The following NRG3 variants were observed in gnomAD, a reference collection of about 807,000 sequenced individuals.
NRG3 encodes pro-neuregulin-3, membrane-bound isoform.
Under a neutral mutation model 66.9 loss-of-function variants are expected in NRG3, and 31 were observed. The ratio of observed to expected loss-of-function variants is 0.46; its 90% CI spans 0.35 to 0.63. The LOEUF is 0.63. NRG3 is among the 20% of genes least tolerant of loss of function. The pLI is 0.00. For synonymous variants in NRG3, 393 were observed against 359.4 expected, an observed-to-expected ratio of 1.09 and a Z score of -1.06; for missense variants, 910 against 878.9, an observed-to-expected ratio of 1.04 and a Z score of -0.45.
intron 2 of NRG3, among the ~76,000 whole-genome samples, chr10:82,560,519 T>A (rs1249979628): frequency 6.6e-6 from 1 of 151,120 alleles, no homozygotes; most frequent in Non-Finnish European, 1.5e-5. Flanking sequence ...CCTTAAGTGT[T>A]CCTTTATTAA....
chr10:82,224,933 G>A (rs1435740524), intron 1 of NRG3, among the ~76,000 whole-genome samples: 2 of 151,848 alleles, frequency 1.3e-5, no homozygotes, highest in African/African-American at 4.8e-5. Flanking sequence ...TATGAACATA[G>A]CTCACTTTAC....
intron 1 of NRG3, among the ~76,000 whole-genome samples, chr10:82,081,105 A>G (rs931817033): frequency 5.3e-5 from 8 of 152,310 alleles, no homozygotes; most frequent in African/African-American, 1.9e-4. Flanking sequence ...GACCTATAGC[A>G]TGAACATTTT....
chr10:82,539,454 A>T (rs887010169), intron 2 of NRG3, among the ~76,000 whole-genome samples: 2 of 152,184 alleles, frequency 1.3e-5, no homozygotes, highest in Admixed American at 6.5e-5. Flanking sequence ...TGATATTTAC[A>T]TACATCTTTC....
chr10:82,399,110 C>T (rs888725455), intron 2 of NRG3, among the ~76,000 whole-genome samples: 3 of 152,180 alleles, frequency 2.0e-5, no homozygotes, highest in Admixed American at 1.3e-4. Context: ...ATCTGGAATA[C>T]ATGCCTCCTT....
chr10:82,327,034 C>T (rs1255547100), intron 1 of NRG3, among the ~76,000 whole-genome samples: 4 of 152,122 alleles, frequency 2.6e-5, no homozygotes, highest in Non-Finnish European at 5.9e-5. Context: ...TCATTTTAGG[C>T]ATTGATACTT....
chr10:82,815,081 T>C (rs561759701), intron 3 of NRG3, among the ~76,000 whole-genome samples: 2 of 152,354 alleles, frequency 1.3e-5, no homozygotes, highest in Admixed American at 1.3e-4. Context: ...GCCGTCCTCC[T>C]GGTTTAAAGA....
chr10:82,653,670 G>C (rs889854518), intron 2 of NRG3, among the ~76,000 whole-genome samples: 1 of 151,872 alleles, frequency 6.6e-6, no homozygotes, highest in African/African-American at 2.4e-5. Flanking sequence ...AACAAAGGTG[G>C]TGGGGGTGGA....
chr10:82,746,912 C>G (rs2058668654), intron 3 of NRG3, among the ~76,000 whole-genome samples: 1 of 151,864 alleles, frequency 6.6e-6, no homozygotes, highest in Admixed American at 6.6e-5. Context: ...GACCTTGTTT[C>G]TAGACAAAAA....
intron 1 of NRG3, among the ~76,000 whole-genome samples, chr10:82,206,517 G>A (rs2075123420): frequency 6.6e-6 from 1 of 152,160 alleles, no homozygotes; most frequent in Non-Finnish European, 1.5e-5. Context: ...GAATAGTAGT[G>A]TTATCTCTTG....
chr10:82,508,311 T>G (rs542819027), intron 2 of NRG3, among the ~76,000 whole-genome samples: 1 of 152,326 alleles, frequency 6.6e-6, no homozygotes, highest in East Asian at 1.9e-4. Flanking sequence ...AAATGTGTTA[T>G]TCTCCCCAGA....
At chr10:82,952,453 G>GTC (rs137919624) in intron 5 of NRG3, among the ~76,000 whole-genome samples, 1,701 of 111,448 alleles carry the variant, frequency 0.015, 33 homozygotes, top group Middle Eastern at 0.04. Flanking sequence ...AGATATAAAC[G>GTC]TCTCTCTCTC....
intron 2 of NRG3, among the ~76,000 whole-genome samples, chr10:82,453,926 C>T (rs2091151470): frequency 6.6e-6 from 1 of 152,058 alleles, no homozygotes; most frequent in African/African-American, 2.4e-5. Context: ...CACAGAAATG[C>T]TATGGATATA....
At chr10:82,523,278 G>C (rs1211108820) in intron 2 of NRG3, among the ~76,000 whole-genome samples, 1 of 151,924 alleles carries the variant, frequency 6.6e-6, no homozygotes, top group Non-Finnish European at 1.5e-5. Context: ...ATATATCTAG[G>C]AGTAGAATTA....
At chr10:82,852,779 C>A (rs2063625186) in intron 3 of NRG3, among the ~76,000 whole-genome samples, 2 of 152,040 alleles carry the variant, frequency 1.3e-5, no homozygotes, top group African/African-American at 4.8e-5. Flanking sequence ...AACGGGGTGC[C>A]GAGTGGAGTA....
chr10:82,904,267 A>G (rs1201209751), intron 4 of NRG3, among the ~76,000 whole-genome samples: 2 of 152,128 alleles, frequency 1.3e-5, no homozygotes, highest in African/African-American at 4.8e-5. Context: ...GTATTGCAAG[A>G]CAACTCTTTT....
chr10:82,624,703 A>T (rs1461440530), intron 2 of NRG3, among the ~76,000 whole-genome samples: 1 of 146,942 alleles, frequency 6.8e-6, no homozygotes, highest in Non-Finnish European at 1.5e-5. Flanking sequence ...ACATATGCAT[A>T]CATATATATA....
chr10:82,726,464 G>A (rs552130645), intron 2 of NRG3, among the ~76,000 whole-genome samples: 43 of 152,102 alleles, frequency 2.8e-4, no homozygotes, highest in Admixed American at 9.8e-4. Flanking sequence ...GGTCTCACAA[G>A]ATCTGATGGT....
chr10:82,967,297 G>A (rs1885614), intron 6 of NRG3, among the ~76,000 whole-genome samples: 131,100 of 151,930 alleles, frequency 0.86, 56,638 homozygotes, highest in Middle Eastern at 0.95. Flanking sequence ...ATCTGTATCT[G>A]TATTCTGCTA....
intron 4 of NRG3, among the ~76,000 whole-genome samples, chr10:82,875,316 G>A (rs910587165): frequency 2.6e-5 from 4 of 152,046 alleles, no homozygotes; most frequent in Non-Finnish European, 5.9e-5. Flanking sequence ...ACACAATATT[G>A]TTTTCTCATT....
Sources: gnomAD v4.1 joint callset for allele counts (sites outside exome capture counted in the v4.1 genomes callset) on GRCh38, gnomAD v4.1.1 for gene constraint, MANE v1.5 for transcripts, NCBI Gene and HGNC (gene_info 2026-07-23, HGNC 2026-07-21) for gene names.